ALK: variants seen among roughly 807,000 people sequenced by gnomAD.
ALK encodes ALK receptor tyrosine kinase, also known as ALK tyrosine kinase receptor.
ALK carries 74 observed loss-of-function variants against 163.1 expected under a neutral mutation model. The observed-to-expected ratio is 0.45, with a 90% CI of 0.38 to 0.55. The LOEUF (loss-of-function observed/expected upper bound fraction) is 0.55. Among genes scored for constraint, ALK ranks in the 20% least tolerant of loss-of-function variants. ALK has a pLI of 0.00. For synonymous variants in ALK, 960 were observed against 843.2 expected, an observed-to-expected ratio of 1.14 and a Z score of -2.40; for missense variants, 2,063 against 2,105.3, an observed-to-expected ratio of 0.98 and a Z score of 0.39.
intron 5 of ALK, among the ~76,000 whole-genome samples, chr2:29,332,302 A>G (rs1667467525): frequency 1.4e-5 from 2 of 141,122 alleles, no homozygotes; most frequent in African/African-American, 5.4e-5. Context: ...AAAAAAAAAA[A>G]AAAAAAAAAA....
At chr2:29,266,744 G>T (rs1252239817) in intron 11 of ALK, among the ~76,000 whole-genome samples, 1 of 152,170 alleles carries the variant, frequency 6.6e-6, no homozygotes, top group Non-Finnish European at 1.5e-5. Flanking sequence ...TCTTGCTATT[G>T]CCTGGCACTC....
chr2:29,432,821 T>A (rs1249461726), intron 4 of ALK, among the ~76,000 whole-genome samples: 1 of 152,042 alleles, frequency 6.6e-6, no homozygotes, highest in Non-Finnish European at 1.5e-5. Flanking sequence ...TCTAAACATG[T>A]GCTTCACCCC....
intron 4 of ALK, among the ~76,000 whole-genome samples, chr2:29,387,902 A>G (rs989933042): frequency 6.6e-6 from 1 of 152,222 alleles, no homozygotes; most frequent in Non-Finnish European, 1.5e-5. Context: ...ACAAGAGGCA[A>G]TGCAACCTAT....
intron 23 of ALK, 106 bp downstream of exon 23, chr2:29,220,600 T>C: frequency 6.5e-7 from 1 of 1,535,556 alleles, no homozygotes; most frequent in Middle Eastern, 2.2e-4. Flanking sequence ...GTTGACACCC[T>C]GGGTTCCATC....
At chr2:29,253,683 C>A (rs140946434) in intron 11 of ALK, among the ~76,000 whole-genome samples, 17 of 152,230 alleles carry the variant, frequency 1.1e-4, no homozygotes, top group African/African-American at 3.9e-4. Flanking sequence ...AAATCCACTC[C>A]TCTCCTTATC....
At chr2:29,294,027 A>G (rs1881418) in intron 9 of ALK, among the ~76,000 whole-genome samples, 136,443 of 152,254 alleles carry the variant, frequency 0.9, 62,294 homozygotes, top group Non-Finnish European at 0.98. Context: ...CTGTCCACAA[A>G]GTAGGTGCTG....
intron 1 of ALK, among the ~76,000 whole-genome samples, chr2:29,739,373 C>G (rs1365329819): frequency 6.7e-6 from 1 of 149,610 alleles, no homozygotes; most frequent in Admixed American, 6.7e-5. Flanking sequence ...TCCTGGCCAA[C>G]TTTGTGAAAC....
At chr2:29,806,798 T>C (rs1329415919) in intron 1 of ALK, among the ~76,000 whole-genome samples, 1 of 152,142 alleles carries the variant, frequency 6.6e-6, no homozygotes, top group African/African-American at 2.4e-5. Context: ...ATGGGGGCCA[T>C]TTCTGGGTGG....
In ALK at chr2:29,227,200, C is replaced by G; in HGVS notation, c.2915-126G>C. On this transcript the variant is annotated intron_variant, in intron 17 of 28. Coordinates refer to ENST00000389048, the MANE Select transcript of ALK (RefSeq NM_004304.5). This position sits in a 1 kb window ranked among gnomAD's most constrained non-coding sequence, Gnocchi z 4.4. ...TCCCTGTTCCTAGGTCCCATAGCCA[C>G]TGGAAGCACAACTGTGTAGAAGAGT... is the stretch of plus-strand genomic sequence containing the variant. 1 of 1,234,702 alleles carries G rather than the reference C, an allele frequency of 8.1e-7. No individual in the cohort carries two copies. Among genetic ancestry groups the G allele is most frequent in the Non-Finnish European group, 1.2e-6 (1 of 844,862 alleles). 76.5% of individuals were successfully genotyped at this position (1,234,702 alleles called of 1,614,324 possible).
intron 1 of ALK, among the ~76,000 whole-genome samples, chr2:29,852,808 G>T (rs1558519017): frequency 6.6e-6 from 1 of 150,492 alleles, no homozygotes; most frequent in Non-Finnish European, 1.5e-5. Flanking sequence ...AGTGCCCTTA[G>T]AAAGGGATGA....
chr2:29,667,056 T>C (rs568587128), intron 3 of ALK, among the ~76,000 whole-genome samples: 12 of 152,264 alleles, frequency 7.9e-5, no homozygotes, highest in Admixed American at 7.9e-4. Flanking sequence ...TTCCATTGTG[T>C]ATAAGTAACA....
intron 3 of ALK, among the ~76,000 whole-genome samples, chr2:29,654,074 A>C (rs2339536): frequency 0.6 from 91,096 of 151,990 alleles, 29,109 homozygotes; most frequent in East Asian, 0.75. Context: ...AACAATAATA[A>C]TAATATACAG....
chr2:29,345,752 G>A (rs759607669), intron 5 of ALK, among the ~76,000 whole-genome samples: 24 of 152,120 alleles, frequency 1.6e-4, no homozygotes, highest in Middle Eastern at 3.4e-3. Context: ...ATAAAAGCTC[G>A]TACCCCTGTG....
In ALK at chr2:29,717,579, A is replaced by G. The variant is rs1345881154; in HGVS notation, c.786T>C (p.Tyr262=). 1.2e-6 allele frequency: 2 copies of G among 1,613,958 alleles called. No homozygotes were observed. The highest frequency in any genetic ancestry group is 1.1e-5 in the South Asian group (1 of 91,084). The part of the protein sequence containing the change: ...SFPFLSHRSR[Y]GLECSFDFPC... ...AGTAAATATTAAACATATACTTACC[A>G]TATCGGCTGCGATGAGACAGGAAAG... Residue 262 remains tyrosine (Y), a splice_region_variant and synonymous_variant, in exon 2 of 29, where the codon TAT becomes TAC. Transcript: ENST00000389048.
intron 5 of ALK, among the ~76,000 whole-genome samples, chr2:29,353,774 G>A (rs1558689765): frequency 6.6e-6 from 1 of 151,876 alleles, no homozygotes; most frequent in Non-Finnish European, 1.5e-5. Context: ...TGAACCAGAT[G>A]AAACTGGTGA....
chr2:29,820,761 A>G (rs548507002), intron 1 of ALK, among the ~76,000 whole-genome samples: 38 of 152,300 alleles, frequency 2.5e-4, no homozygotes, highest in African/African-American at 8.9e-4. Context: ...GAGTCCCTTA[A>G]CTAATCTTCC....
chr2:29,889,986 G>A (rs763967707), intron 1 of ALK, among the ~76,000 whole-genome samples: 2 of 152,098 alleles, frequency 1.3e-5, no homozygotes, highest in Non-Finnish European at 2.9e-5. Flanking sequence ...GCTTCAAAAC[G>A]TGTACATCCA....
chr2:29,766,671 C>T (rs1033124969), intron 1 of ALK, among the ~76,000 whole-genome samples: 1 of 152,144 alleles, frequency 6.6e-6, no homozygotes, highest in African/African-American at 2.4e-5. Flanking sequence ...AATGAGTCTT[C>T]CTCATCTTCA....
chr2:29,911,379 G>C (rs1425742220), intron 1 of ALK, among the ~76,000 whole-genome samples: 5 of 152,208 alleles, frequency 3.3e-5, no homozygotes, highest in Non-Finnish European at 1.5e-5. Flanking sequence ...AAAGGACTGG[G>C]AAAGGGGTCC....
Sources: gnomAD v4.1 joint callset for allele counts (sites outside exome capture counted in the v4.1 genomes callset) on GRCh38, gnomAD v4.1.1 for gene constraint, Gnocchi (gnomAD v3.1) non-coding constraint, MANE v1.5 for transcripts, NCBI Gene and HGNC (gene_info 2026-07-23, HGNC 2026-07-21) for gene names.